Variants in FGFR3 observed in about 807,000 individuals in gnomAD.
FGFR3 encodes the protein FGFR-3.
In FGFR3, 25 loss-of-function variants were observed where a neutral mutation model predicts 82.9. The observed-to-expected ratio is 0.30, with a 90% CI of 0.22 to 0.42. The LOEUF (loss-of-function observed/expected upper bound fraction) is 0.42. FGFR3 is among the 10% of genes least tolerant of loss of function. The pLI is 1.00. For missense variants in FGFR3, 1,026 were observed against 1,161.0 expected (o/e 0.88, Z 1.69); for synonymous variants, 620 against 516.0 (o/e 1.20, Z -2.73).
At chr4:1,796,712 G>A (rs763721158) in intron 2 of FGFR3, among the ~76,000 whole-genome samples, 3 of 152,152 alleles carry the variant, frequency 2.0e-5, no homozygotes, top group Non-Finnish European at 2.9e-5. Flanking sequence ...AGGTTCCCCA[G>A]GCCAGAGTTT....
intron 2 of FGFR3, 130 bp from the exon 3 acceptor site, chr4:1,799,124 T>A: frequency 7.7e-7 from 1 of 1,297,700 alleles, no homozygotes; most frequent in Non-Finnish European, 1.1e-6. Context: ...TTCCAGCCCC[T>A]GGTCTGGTGG....
rs1459936578 is a variant in FGFR3 at position 1,807,080 on chromosome 4, C to G, written c.2275-36C>G. On this transcript the variant is annotated intron_variant, in intron 17 of 17. Transcript: ENST00000440486. ...AGAGGTGGCTGTGCGAAGAGGGGCTCGGTGGCACAGCGCTCACCCCGCCTC... is the reference window on the plus strand; with the variant it reads ...AGAGGTGGCTGTGCGAAGAGGGGCTGGGTGGCACAGCGCTCACCCCGCCTC... The G allele has an allele frequency of 3.2e-6, 5 of 1,556,624 alleles. No individual in the cohort carries two copies. In the African/African-American group the frequency reaches 4.1e-5, roughly 13 times the overall value.
rs1720065226 is a variant in FGFR3, at chr4:1,793,446, C to G, written c.-122C>G. ...GGAGCGGGAGCCGCGCGTAGCGAGC[C>G]GGGCTCCGGCGCTCGCCAGGTCCGT... On this transcript the variant is annotated 5_prime_UTR_variant, in exon 1 of 18. Transcript: ENST00000440486. 1 of 149,274 alleles carries G rather than the reference C, an allele frequency of 6.7e-6. No individual in the cohort carries two copies. Among genetic ancestry groups the G allele is most frequent in the East Asian group, 2.0e-4 (1 of 5,108 alleles). 9.2% of individuals were successfully genotyped at this position (149,274 alleles called of 1,614,324 possible).
rs759149879 is a variant in FGFR3, at chr4:1,807,317, G to A, written c.*55G>A. 2 of 1,548,818 alleles carry A rather than the reference G, an allele frequency of 1.3e-6. No individual in the cohort carries two copies. The highest frequency in any genetic ancestry group is 2.4e-5 in the South Asian group (2 of 84,912). ...GTCCCTAGCAGCCCACCCTGCTGCT[G>A]GTGCACAGCCACTCCCCGGCATGAG... On this transcript the variant is annotated 3_prime_UTR_variant, in exon 18 of 18. Transcript: ENST00000440486.
At chr4:1,806,731 C>T (rs764197541) in intron 16 of FGFR3, 48 bp downstream of exon 16, 1 of 1,607,260 alleles carries the variant, frequency 6.2e-7, no homozygotes, top group Middle Eastern at 2.2e-4. Flanking sequence ...GGTGGGGGTC[C>T]CTCCGGGGCT....
chr4:1,805,593 G>A lies in FGFR3; in HGVS notation c.1569G>A (p.Val523=), dbSNP rs2108803255. The A allele has an allele frequency of 3.7e-6, 6 of 1,613,326 alleles. No homozygotes were observed. The highest frequency in any genetic ancestry group is 5.1e-6 in the Non-Finnish European group (6 of 1,179,816). ...DATDKDLSDL[V]SEMEMMKMIG... Reference sequence around the variant, plus strand: ...CTGACAAGGACCTGTCGGACCTGGTGTCTGAGATGGAGATGATGAAGATGA... The same window carrying A: ...CTGACAAGGACCTGTCGGACCTGGTATCTGAGATGGAGATGATGAAGATGA... Residue 523 remains valine, a synonymous_variant, in exon 12 of 18, where the codon GTG becomes GTA. Transcript: ENST00000440486.
rs17882393 is a variant in FGFR3 at position 1,808,544 on chromosome 4, C to CTA, written c.*1291_*1292dup. ...TTAGATGTTACAAGTTTATATATAT[C>CTA]TATATATATAATTTATTGAGTTTTT... On this transcript the variant is annotated 3_prime_UTR_variant, in exon 18 of 18. Transcript: ENST00000440486. 2 of 229,612 alleles carry CTA rather than the reference C, an allele frequency of 8.7e-6. No homozygotes were observed. The highest frequency in any genetic ancestry group is 1.7e-5 in the Non-Finnish European group (2 of 115,742). The allele number at this position is 229,612 out of a possible 1,614,324, so 14.2% of individuals were successfully genotyped here.
intron 2 of FGFR3, 75 bp from the exon 3 acceptor site, chr4:1,799,173 CGCCGAG>C: frequency 1.9e-6 from 3 of 1,597,426 alleles, no homozygotes; most frequent in Non-Finnish European, 2.6e-6. Context: ...CACTCAGGGC[CGCCGAG>C]GCTTCCACTG....
intron 4 of FGFR3, among the ~76,000 whole-genome samples, 171 bp from the exon 5 acceptor site, chr4:1,801,196 C>T (rs1017732827): frequency 5.3e-5 from 8 of 152,178 alleles, no homozygotes; most frequent in East Asian, 1.9e-4. Flanking sequence ...GAGAAAGCCC[C>T]GGGGAGGGGA....
rs56240927 is a variant in FGFR3, at chr4:1,804,906, C to T, written c.1349C>T (p.Thr450Met). Residue 450 changes from threonine (T) to methionine (M), a missense_variant, in exon 10 of 18, where the codon ACG becomes ATG. This residue lies in a region of FGFR3 where 256 missense variants were observed against 217.6 expected (regional missense o/e 1.18). Coordinates refer to ENST00000440486, the MANE Select transcript of FGFR3 (RefSeq NM_000142.5). ...AGGCTGTCCTCAGGGGAGGGCCCCA[C>T]GCTGGCCAATGTCTCCGAGCTCGAG... ...IARLSSGEGP[T>M]LANVSELELP... 7.3e-4 allele frequency: 1,130 copies of T among 1,549,932 alleles called. 9 individuals carry two copies. The East Asian group carries it at 0.021, about 29-fold the overall frequency.
Position 1,808,174 on chromosome 4 carries a change from A to T in FGFR3, c.*912A>T, listed in dbSNP as rs959641431. The T allele has an allele frequency of 4.3e-6, 1 of 232,694 alleles. No homozygotes were observed. Among genetic ancestry groups the T allele is most frequent in the Admixed American group, 5.6e-5 (1 of 17,768 alleles). The allele number at this position is 232,694 out of a possible 1,614,324, so 14.4% of individuals were successfully genotyped here. ...CAACACTTCCAGCATTTAGCTGGCC[A>T]CATGGCGGAGAGTTTTAATTTTTAA... On this transcript the variant is annotated 3_prime_UTR_variant, in exon 18 of 18. Coordinates refer to ENST00000440486, the MANE Select transcript of FGFR3 (RefSeq NM_000142.5).
At chr4:1,806,404 C>T (rs766916980) in intron 15 of FGFR3, 77 bp downstream of exon 15, 2 of 1,603,636 alleles carry the variant, frequency 1.2e-6, no homozygotes, top group Non-Finnish European at 1.7e-6. Context: ...CTGCAGTCCC[C>T]AGGCCTGTGC....
rs1284846243 is a variant in FGFR3, at chr4:1,807,921, T to C, written c.*659T>C. ...TATATACATATATATATATAACATA[T>C]ATGGAAGAGGAAAAGGCTGGTACAA... is the stretch of plus-strand genomic sequence containing the variant. On this transcript the variant is annotated 3_prime_UTR_variant, in exon 18 of 18. Coordinates refer to ENST00000440486, the MANE Select transcript of FGFR3 (RefSeq NM_000142.5). 3.0e-5 allele frequency: 8 copies of C among 270,448 alleles called. No homozygotes were observed. The highest frequency in any genetic ancestry group is 5.7e-5 in the Non-Finnish European group (8 of 140,098). The allele number at this position is 270,448 out of a possible 1,614,324, so 16.8% of individuals were successfully genotyped here. A position where few individuals can be genotyped will look rare whatever the true frequency, so the allele number is the denominator to read the frequency against.
In FGFR3 at chr4:1,804,968, C is replaced by G. The variant is rs533045918; in HGVS notation, c.1411C>G (p.Arg471Gly). 13 of 1,548,298 alleles carry G rather than the reference C, an allele frequency of 8.4e-6. No individual in the cohort carries two copies. The highest frequency in any genetic ancestry group is 1.1e-5 in the Non-Finnish European group (13 of 1,145,582). The change falls in exon 10 of 18, where the codon CGG becomes GGG. Residue 471 changes from arginine (R) to glycine (G), a missense_variant and splice_region_variant. Physicochemically the swap from Arg to Gly is moderately radical, Grantham distance 125 (BLOSUM62 -2). Around this residue, in one of 9 missense-constraint regions of FGFR3, gnomAD observed 22 missense variants for 52.8 expected, o/e 0.42. Transcript: ENST00000440486. The part of the protein sequence containing the change: ...ADPKWELSRA[R>G]LTLGKPLGEG... ...CCCCAAATGGGAGCTGTCTCGGGCC[C>G]GGTCAGTGGTGCTGAGGGCCAGCGT...
At position 1,806,581 on chromosome 4, in the gene FGFR3, C is replaced by T. The variant is rs1455074121; in HGVS notation, c.2066C>T (p.Thr689Met). The T allele has an allele frequency of 1.3e-5, 21 of 1,612,970 alleles. No homozygotes were observed. Among genetic ancestry groups the T allele is most frequent in the African/African-American group, 2.7e-5 (2 of 74,904 alleles). Reference protein sequence around the residue: ...SFGVLLWEIFTLGGSPYPGIP... With the variant: ...SFGVLLWEIFMLGGSPYPGIP... ...GGGGTCCTGCTCTGGGAGATCTTCA[C>T]GCTGGGGGGCTCCCCGTACCCCGGC... Residue 689 changes from threonine to methionine, a missense_variant, in exon 16 of 18, where the codon ACG (threonine) becomes ATG (methionine). This residue lies in a region of FGFR3 where 45 missense variants were observed against 80.8 expected (regional missense o/e 0.56). Coordinates refer to ENST00000440486, the MANE Select transcript of FGFR3 (RefSeq NM_000142.5).
intron 3 of FGFR3, 106 bp from the exon 4 acceptor site, chr4:1,799,641 C>T (rs1440288647): frequency 1.9e-6 from 3 of 1,555,964 alleles, no homozygotes; most frequent in Non-Finnish European, 8.7e-7. Context: ...GGAGGGCACC[C>T]CCAGGAAGTG....
At chr4:1,803,297 C>T (rs953093551) in intron 7 of FGFR3, 30 of 538,496 alleles carry the variant, frequency 5.6e-5, no homozygotes, top group African/African-American at 8.0e-5. Flanking sequence ...AGGAGGTGCC[C>T]GGTGCCCACC....
chr4:1,793,942 C>A lies in FGFR3; in HGVS notation c.8C>A (p.Ala3Asp). 1 of 1,325,630 alleles carries A rather than the reference C, an allele frequency of 7.5e-7. No homozygotes were observed. The highest frequency in any genetic ancestry group is 9.8e-7 in the Non-Finnish European group (1 of 1,025,598). 82.1% of individuals were successfully genotyped at this position (1,325,630 alleles called of 1,614,324 possible). MG[A>D]PACALALCVA... The stretch of plus-strand genomic sequence containing the variant: ...GCGGCCCCCGCCCCCGCCATGGGCG[C>A]CCCTGCCTGCGCCCTCGCGCTCTGC... Residue 3 changes from alanine (A) to aspartate (D), a missense_variant, in exon 2 of 18, where the codon GCC becomes GAC. By Grantham distance (126) the Ala-to-Asp change is moderately radical (BLOSUM62 -2). Around this residue, in one of 9 missense-constraint regions of FGFR3, gnomAD observed 226 missense variants for 222.0 expected, o/e 1.02. Transcript: ENST00000440486.
Position 1,803,169 on chromosome 4 carries a change from G to A in FGFR3, c.931-523G>A, listed in dbSNP as rs17882099. 5,859 of 1,298,978 alleles carry A rather than the reference G, an allele frequency of 4.5e-3. 28 individuals are homozygous for A. Among genetic ancestry groups the A allele is most frequent in the Non-Finnish European group, 5.4e-3 (5,397 of 1,001,142 alleles). The allele number at this position is 1,298,978 out of a possible 1,614,324, so 80.5% of individuals were successfully genotyped here. On this transcript the variant is annotated intron_variant, in intron 7 of 17. Coordinates refer to ENST00000440486, the MANE Select transcript of FGFR3 (RefSeq NM_000142.5). Reference sequence around the variant, plus strand: ...GCCCAGCCCTGCTCGCTCCCGCCCCGGCTCGCGCTCCACTCGGGGCCGCCT... The same window carrying A: ...GCCCAGCCCTGCTCGCTCCCGCCCCAGCTCGCGCTCCACTCGGGGCCGCCT...
Sources: allele counts gnomAD v4.1 joint callset (sites outside exome capture counted in the v4.1 genomes callset), GRCh38; gene constraint gnomAD v4.1.1; regional missense constraint gnomAD v4.1.1; transcripts MANE v1.5; gene names NCBI Gene and HGNC (gene_info 2026-07-23, HGNC 2026-07-21).